Variants in VAV3 observed in about 807,000 individuals in gnomAD.
VAV3 encodes vav guanine nucleotide exchange factor 3.
VAV3 carries 94 observed loss-of-function variants against 131.2 expected under a neutral mutation model. That is an observed-to-expected ratio of 0.72 (90% CI 0.61 to 0.85). The LOEUF is 0.85. Among genes scored for constraint, VAV3 ranks in the 40% least tolerant of loss-of-function variants. VAV3 has a pLI of 0.00. For synonymous variants in VAV3, 349 were observed against 342.0 expected (o/e 1.02, Z -0.22); for missense variants, 939 against 1,002.7 (o/e 0.94, Z 0.86).
In VAV3 at chr1:107,590,163, T is replaced by C. The variant is rs138185433; in HGVS notation, c.2350+6049A>G. 1.3e-3 allele frequency among the ~76,000 whole-genome samples: 200 copies of C among 152,290 alleles called. 1 individual carries two copies. The highest frequency in any genetic ancestry group is 4.7e-3 in the African/African-American group (194 of 41,562). ...ATGGCTCCAATGACAAAAGTAGCCTTTGTCAATCTTTGAAGAATTGCTACA... is the reference window on the plus strand; with the variant it reads ...ATGGCTCCAATGACAAAAGTAGCCTCTGTCAATCTTTGAAGAATTGCTACA... On this transcript the variant is annotated intron_variant, in intron 25 of 26. Transcript: ENST00000370056.
At chr1:107,840,764 CATTTTAAAAAT>C (rs1668666887) in intron 2 of VAV3, among the ~76,000 whole-genome samples, 2 of 152,084 alleles carry the variant, frequency 1.3e-5, no homozygotes. Flanking sequence ...GCACTGAAAG[CATTTTAAAAAT>C]AAAAGGCAAA....
chr1:107,846,523 C>T (rs1304224819), intron 2 of VAV3, among the ~76,000 whole-genome samples: 1 of 152,180 alleles, frequency 6.6e-6, no homozygotes, highest in African/African-American at 2.4e-5. Flanking sequence ...GGAGACCCAT[C>T]TCACATGCAA....
At chr1:107,641,233 T>C (rs540342737) in intron 20 of VAV3, among the ~76,000 whole-genome samples, 1 of 152,186 alleles carries the variant, frequency 6.6e-6, no homozygotes, top group Admixed American at 6.6e-5. Flanking sequence ...CATTCTTATA[T>C]AACAAGATGA....
At chr1:107,679,125 C>A (rs1475027946) in intron 19 of VAV3, among the ~76,000 whole-genome samples, 4 of 152,066 alleles carry the variant, frequency 2.6e-5, no homozygotes, top group Non-Finnish European at 5.9e-5. Context: ...TTTCTTCATA[C>A]AATAACAAAT....
At chr1:107,840,186 T>G (rs560174634) in intron 2 of VAV3, among the ~76,000 whole-genome samples, 1 of 152,296 alleles carries the variant, frequency 6.6e-6, no homozygotes, top group Admixed American at 6.5e-5. Flanking sequence ...CCTGTAAATG[T>G]TGTAATGTTG....
chr1:107,713,881 G>A (rs1168537590), intron 15 of VAV3, among the ~76,000 whole-genome samples: 1 of 152,030 alleles, frequency 6.6e-6, no homozygotes, highest in African/African-American at 2.4e-5. Context: ...CTCCTATAAA[G>A]TCAGACATCA....
chr1:107,574,572 G>T (rs1181607081), intron 25 of VAV3, among the ~76,000 whole-genome samples: 2 of 152,104 alleles, frequency 1.3e-5, no homozygotes, highest in Non-Finnish European at 2.9e-5. Flanking sequence ...ACTTCCTATT[G>T]ATGGCCCAGT....
At chr1:107,872,259 C>T (rs1278879902) in intron 2 of VAV3, among the ~76,000 whole-genome samples, 2 of 152,090 alleles carry the variant, frequency 1.3e-5, no homozygotes, top group African/African-American at 4.8e-5. Flanking sequence ...TTATGACAAT[C>T]AAATGAAGTC....
At chr1:107,918,146 G>A (rs565626977) in intron 1 of VAV3, among the ~76,000 whole-genome samples, 5 of 152,266 alleles carry the variant, frequency 3.3e-5, no homozygotes, top group South Asian at 2.1e-4. Context: ...GTCCAGGTCC[G>A]AACATACAGT....
chr1:107,907,832 G>C (rs1178578466), intron 1 of VAV3, among the ~76,000 whole-genome samples: 1 of 152,040 alleles, frequency 6.6e-6, no homozygotes, highest in Non-Finnish European at 1.5e-5. Context: ...ATAAATTTCT[G>C]TTCTTTAACA....
At chr1:107,674,175 A>G (rs1658026382) in intron 19 of VAV3, among the ~76,000 whole-genome samples, 2 of 152,248 alleles carry the variant, frequency 1.3e-5, no homozygotes, top group African/African-American at 4.8e-5. Context: ...ATTCAACTGC[A>G]TTCAAGTTTA....
chr1:107,689,768 A>G (rs7527291), intron 17 of VAV3, among the ~76,000 whole-genome samples: 17,979 of 152,242 alleles, frequency 0.12, 1,149 homozygotes, highest in African/African-American at 0.15. Flanking sequence ...TTGGAAACAC[A>G]TAACGTTTCA....
chr1:107,750,336 G>A (rs1663634575), intron 13 of VAV3, among the ~76,000 whole-genome samples: 1 of 152,098 alleles, frequency 6.6e-6, no homozygotes, highest in Non-Finnish European at 1.5e-5. Context: ...TTCTTATTAA[G>A]AACAACGTAA....
intron 15 of VAV3, among the ~76,000 whole-genome samples, chr1:107,744,168 A>T (rs1018031005): frequency 8.5e-5 from 13 of 152,166 alleles, no homozygotes; most frequent in Non-Finnish European, 1.6e-4. Context: ...AGAGCTCTAG[A>T]ATCTCCATCC....
At chr1:107,765,978 T>A (rs1365242258) in intron 8 of VAV3, among the ~76,000 whole-genome samples, 1 of 152,198 alleles carries the variant, frequency 6.6e-6, no homozygotes, top group African/African-American at 2.4e-5. Flanking sequence ...GATTTTTTTT[T>A]AACTTAGAAA....
rs1055120070 is a variant in VAV3 at position 107,777,548 on chromosome 1, C to G, written c.381-252G>C. 9.3e-6 allele frequency: 5 copies of G among 535,294 alleles called. No individual in the cohort carries two copies. In the African/African-American group the frequency reaches 9.5e-5, roughly 10 times the overall value. The allele number at this position is 535,294 out of a possible 1,614,324, so 33.2% of individuals were successfully genotyped here. On this transcript the variant is annotated intron_variant, in intron 3 of 26. Coordinates refer to ENST00000370056, the MANE Select transcript of VAV3 (RefSeq NM_006113.5). ...CTGAAGCAATTACAGCTGGTCACCA[C>G]AGTCACATGTGCAGGGGGTCATAAT...
intron 2 of VAV3, among the ~76,000 whole-genome samples, chr1:107,846,206 T>C (rs906709932): frequency 3.9e-5 from 6 of 152,142 alleles, no homozygotes; most frequent in Admixed American, 3.3e-4. Flanking sequence ...CTAAGCTTCA[T>C]AAGCAAAGGA....
At chr1:107,626,089 T>C (rs1399922871) in intron 20 of VAV3, among the ~76,000 whole-genome samples, 2 of 152,206 alleles carry the variant, frequency 1.3e-5, no homozygotes, top group Non-Finnish European at 2.9e-5. Flanking sequence ...CTAAGTATAT[T>C]ATAACCTACA....
At chr1:107,881,912 C>G (rs1278391837) in intron 1 of VAV3, among the ~76,000 whole-genome samples, 1 of 152,198 alleles carries the variant, frequency 6.6e-6, no homozygotes, top group Non-Finnish European at 1.5e-5. Context: ...AAGTTCACTA[C>G]AAAACTCTGA....
Sources: allele counts gnomAD v4.1 joint callset (sites outside exome capture counted in the v4.1 genomes callset), GRCh38; gene constraint gnomAD v4.1.1; transcripts MANE v1.5; gene names NCBI Gene and HGNC (gene_info 2026-07-23, HGNC 2026-07-21).